The following UNC5D variants were observed in gnomAD, a reference collection of about 807,000 sequenced individuals.
UNC5D encodes the protein unc-5 netrin receptor D.
UNC5D carries 39 observed loss-of-function variants against 105.4 expected under a neutral mutation model. That is an observed-to-expected ratio of 0.37 (90% CI 0.29 to 0.48). The LOEUF is 0.48. UNC5D is among the 20% of genes least tolerant of loss of function. The pLI is 0.98. For missense variants in UNC5D, 991 were observed against 1,202.4 expected (o/e 0.82, Z 2.60); for synonymous variants, 452 against 450.4 (o/e 1.00, Z -0.04).
intron 3 of UNC5D, among the ~76,000 whole-genome samples, chr8:35,594,525 T>C (rs965051856): frequency 6.6e-6 from 1 of 152,154 alleles, no homozygotes; most frequent in African/African-American, 2.4e-5. Flanking sequence ...ATCTTTTACA[T>C]TGAGGAAGAC....
intron 1 of UNC5D, chr8:35,255,271 T>C (rs1803997487): frequency 1.3e-5 from 2 of 152,330 alleles, no homozygotes; most frequent in South Asian, 4.1e-4. Flanking sequence ...ATGCTTTGGA[T>C]AATGTCAAAA....
At chr8:35,415,155 G>T (rs1805449096) in intron 1 of UNC5D, among the ~76,000 whole-genome samples, 1 of 152,044 alleles carries the variant, frequency 6.6e-6, no homozygotes, top group Non-Finnish European at 1.5e-5. Context: ...TATTACAGAA[G>T]TTATGATAGA....
At chr8:35,721,353 A>G in intron 8 of UNC5D, 2 of 694,948 alleles carry the variant, frequency 2.9e-6, no homozygotes, top group East Asian at 5.4e-5. Context: ...TCTAGAAAAA[A>G]GGGTGAAAAG....
At chr8:35,257,112 C>T (rs1047719505) in intron 1 of UNC5D, among the ~76,000 whole-genome samples, 2 of 151,886 alleles carry the variant, frequency 1.3e-5, no homozygotes, top group Non-Finnish European at 2.9e-5. Flanking sequence ...GCTGGGATTA[C>T]AGGCACGCAC....
chr8:35,388,762 C>T (rs765327677), intron 1 of UNC5D, among the ~76,000 whole-genome samples: 1 of 152,140 alleles, frequency 6.6e-6, no homozygotes, highest in Non-Finnish European at 1.5e-5. Context: ...TCTTACATGT[C>T]ATTTTCCTAA....
intron 1 of UNC5D, among the ~76,000 whole-genome samples, chr8:35,249,158 A>T (rs762076565): frequency 1.4e-4 from 20 of 139,408 alleles, no homozygotes; most frequent in Non-Finnish European, 2.9e-4. Flanking sequence ...ATCTACATAA[A>T]ATATATATAT....
intron 1 of UNC5D, among the ~76,000 whole-genome samples, chr8:35,492,171 A>G (rs957133005): frequency 2.0e-5 from 3 of 152,008 alleles, no homozygotes; most frequent in African/African-American, 7.2e-5. Flanking sequence ...TCCTTAAGCA[A>G]AGAATGAGCT....
chr8:35,724,687 C>T (rs937009155), intron 9 of UNC5D, among the ~76,000 whole-genome samples: 3 of 152,130 alleles, frequency 2.0e-5, no homozygotes, highest in South Asian at 2.1e-4. Flanking sequence ...TAAGCGTAGC[C>T]AAAAATTAAA....
At chr8:35,421,498 G>T (rs1027782695) in intron 1 of UNC5D, among the ~76,000 whole-genome samples, 11 of 152,148 alleles carry the variant, frequency 7.2e-5, no homozygotes, top group African/African-American at 2.7e-4. Context: ...GATAAGTACA[G>T]TTCTTGTTTT....
chr8:35,650,742 G>A (rs555335168), intron 4 of UNC5D, among the ~76,000 whole-genome samples: 1 of 152,276 alleles, frequency 6.6e-6, no homozygotes, highest in South Asian at 2.1e-4. Flanking sequence ...AAAGTGCTGG[G>A]ATTATAGGCA....
At chr8:35,525,107 T>A in intron 1 of UNC5D, 2 of 1,554,588 alleles carry the variant, frequency 1.3e-6, no homozygotes, top group Admixed American at 3.5e-5. Flanking sequence ...TCCCCCGGCC[T>A]GCCTCCGCTG....
intron 1 of UNC5D, among the ~76,000 whole-genome samples, chr8:35,351,345 G>T (rs1812223254): frequency 6.6e-6 from 1 of 152,024 alleles, no homozygotes; most frequent in Non-Finnish European, 1.5e-5. Flanking sequence ...TTATCCAGGG[G>T]TTTTTACATC....
At chr8:35,550,239 C>T (rs1816023609) in intron 2 of UNC5D, among the ~76,000 whole-genome samples, 2 of 152,136 alleles carry the variant, frequency 1.3e-5, no homozygotes, top group East Asian at 1.9e-4. Flanking sequence ...ATTACCTTCT[C>T]GTAGACAAGG....
chr8:35,704,560 T>A (rs573450494), intron 7 of UNC5D, among the ~76,000 whole-genome samples: 1 of 152,096 alleles, frequency 6.6e-6, no homozygotes, highest in Admixed American at 6.5e-5. Flanking sequence ...CTGCGTAGGG[T>A]CCCCCTACCA....
intron 1 of UNC5D, among the ~76,000 whole-genome samples, chr8:35,332,990 G>C (rs1810739629): frequency 6.6e-6 from 1 of 152,132 alleles, no homozygotes; most frequent in Non-Finnish European, 1.5e-5. Flanking sequence ...ACATGTCTCA[G>C]ATCTCTGCCC....
chr8:35,538,536 T>C (rs1314830046), intron 1 of UNC5D, among the ~76,000 whole-genome samples: 1 of 150,958 alleles, frequency 6.6e-6, no homozygotes, highest in Non-Finnish European at 1.5e-5. Context: ...AAGAGCATTC[T>C]GCTTTGCAGT....
chr8:35,747,080 T>A (rs1830046409), intron 11 of UNC5D, among the ~76,000 whole-genome samples: 1 of 152,208 alleles, frequency 6.6e-6, no homozygotes, highest in Admixed American at 6.5e-5. Flanking sequence ...ATAGGAAGAA[T>A]TGTCCATTTT....
chr8:35,459,843 G>A (rs759601397), intron 1 of UNC5D, among the ~76,000 whole-genome samples: 1 of 152,116 alleles, frequency 6.6e-6, no homozygotes, highest in Non-Finnish European at 1.5e-5. Flanking sequence ...TTTTTAGCTT[G>A]ATTTTATGCC....
intron 1 of UNC5D, among the ~76,000 whole-genome samples, chr8:35,446,699 G>A (rs1010450216): frequency 2.6e-5 from 4 of 151,948 alleles, no homozygotes; most frequent in Non-Finnish European, 5.9e-5. Flanking sequence ...AAATTCTGAC[G>A]TGGAGCATCA....
Sources: allele counts gnomAD v4.1 joint callset (sites outside exome capture counted in the v4.1 genomes callset), GRCh38; gene constraint gnomAD v4.1.1; transcripts MANE v1.5; gene names NCBI Gene and HGNC (gene_info 2026-07-23, HGNC 2026-07-21).